Variants in FARP2 observed in about 807,000 individuals in gnomAD.
FARP2 encodes the protein FERM, ARHGEF and pleckstrin domain-containing protein 2.
A neutral mutation model predicts 130.5 loss-of-function variants in FARP2; 111 were observed. The ratio of observed to expected loss-of-function variants is 0.85; its 90% CI spans 0.73 to 1.00. FARP2 has a LOEUF of 1.00. Ranked by LOEUF, FARP2 falls within the 50% of genes least tolerant of loss-of-function variation. FARP2 has a pLI of 0.00. For missense variants in FARP2, 1,385 were observed against 1,346.3 expected (o/e 1.03, Z -0.45); for synonymous variants, 504 against 516.9 (o/e 0.98, Z 0.34).
chr2:241,408,541 C>CA (rs11292791), intron 5 of FARP2, among the ~76,000 whole-genome samples: 17 of 137,586 alleles, frequency 1.2e-4, no homozygotes, highest in South Asian at 2.3e-4. Flanking sequence ...AACTCTGTCT[C>CA]AAAAAAAAAA....
intron 4 of FARP2, 123 bp from the exon 5 acceptor site, chr2:241,407,414 A>T (rs2062389402): frequency 4.1e-6 from 3 of 726,756 alleles, no homozygotes; most frequent in Admixed American, 4.8e-5. Flanking sequence ...ATATCATATT[A>T]TTTGAAAAGA....
At chr2:241,447,530 C>T (rs1386681371) in intron 13 of FARP2, among the ~76,000 whole-genome samples, 1 of 152,194 alleles carries the variant, frequency 6.6e-6, no homozygotes, top group Non-Finnish European at 1.5e-5. Context: ...TTACCGTGCA[C>T]AGAACAGATG....
At chr2:241,383,407 C>T (rs187418674) in intron 2 of FARP2, among the ~76,000 whole-genome samples, 3 of 152,320 alleles carry the variant, frequency 2.0e-5, no homozygotes, top group Admixed American at 2.0e-4. Context: ...GATCTCTGTT[C>T]TTGAGAACAG....
chr2:241,408,056 AG>A (rs2062409025), intron 5 of FARP2, among the ~76,000 whole-genome samples: 1 of 152,208 alleles, frequency 6.6e-6, no homozygotes, highest in African/African-American at 2.4e-5. Flanking sequence ...TTTGAATTAA[AG>A]ATCAATTCTT....
intron 1 of FARP2, among the ~76,000 whole-genome samples, chr2:241,371,000 CTTG>C (rs745906190): frequency 1.3e-5 from 2 of 152,248 alleles, no homozygotes; most frequent in South Asian, 2.1e-4. Context: ...CTTGCACTGC[CTTG>C]TTGTTTTGTT....
At chr2:241,443,777 T>C (rs1479352482) in intron 13 of FARP2, 4 of 152,284 alleles carry the variant, frequency 2.6e-5, no homozygotes, top group Admixed American at 6.5e-5. Flanking sequence ...TTTTTGTTGT[T>C]TTTCTTTTCT....
At chr2:241,418,879 G>T (rs781663969) in intron 8 of FARP2, among the ~76,000 whole-genome samples, 5 of 152,192 alleles carry the variant, frequency 3.3e-5, no homozygotes, top group Non-Finnish European at 7.3e-5. Context: ...TGTCCAACTT[G>T]TCTGGGCCCC....
intron 5 of FARP2, 106 bp from the exon 6 acceptor site, chr2:241,410,927 T>G: frequency 1.3e-6 from 1 of 781,362 alleles, no homozygotes; most frequent in Admixed American, 2.2e-5. Flanking sequence ...GTTGGGTCAC[T>G]GCCACTTCCC....
intron 17 of FARP2, among the ~76,000 whole-genome samples, chr2:241,467,911 T>C (rs887320432): frequency 6.6e-6 from 1 of 152,156 alleles, no homozygotes; most frequent in Non-Finnish European, 1.5e-5. Context: ...CGGTTAGTGG[T>C]GCATGTAGCA....
intron 18 of FARP2, among the ~76,000 whole-genome samples, chr2:241,470,859 A>C (rs2064287454): frequency 6.7e-6 from 1 of 149,774 alleles, no homozygotes; most frequent in Non-Finnish European, 1.5e-5. Context: ...CCCTGTTCTG[A>C]AGAGATGCTG....
chr2:241,487,734 GC>G (rs1397971380), intron 21 of FARP2, among the ~76,000 whole-genome samples: 1 of 132,468 alleles, frequency 7.5e-6, no homozygotes, highest in East Asian at 2.5e-4. Flanking sequence ...TCATAGCTTA[GC>G]CTAGCCTACT....
intron 13 of FARP2, among the ~76,000 whole-genome samples, chr2:241,449,048 T>G (rs4675814): frequency 0.8 from 121,733 of 152,148 alleles, 48,865 homozygotes; most frequent in East Asian, 0.95. Context: ...TTGTGTAAGA[T>G]CCACTCATGA....
intron 8 of FARP2, among the ~76,000 whole-genome samples, chr2:241,422,487 A>G (rs1338608269): frequency 6.6e-6 from 1 of 152,120 alleles, no homozygotes; most frequent in African/African-American, 2.4e-5. Flanking sequence ...CAAAGATCAA[A>G]GTTTGATAAA....
At chr2:241,384,412 C>T (rs1347029767) in intron 2 of FARP2, among the ~76,000 whole-genome samples, 4 of 152,164 alleles carry the variant, frequency 2.6e-5, no homozygotes, top group Non-Finnish European at 5.9e-5. Flanking sequence ...GAAAGATATT[C>T]TTTCCTCCTT....
At chr2:241,410,849 G>A (rs563187688) in intron 5 of FARP2, 184 bp from the exon 6 acceptor site, 2 of 566,320 alleles carry the variant, frequency 3.5e-6, no homozygotes, top group African/African-American at 1.9e-5. Flanking sequence ...TTCACTTGGT[G>A]ACTGTTTGTT....
At chr2:241,396,248 C>T (rs1478533446) in intron 2 of FARP2, among the ~76,000 whole-genome samples, 3 of 152,146 alleles carry the variant, frequency 2.0e-5, no homozygotes, top group Non-Finnish European at 4.4e-5. Context: ...AAAACCTAGG[C>T]ATTACCATTC....
intron 2 of FARP2, among the ~76,000 whole-genome samples, chr2:241,382,387 G>A (rs1474192941): frequency 6.7e-6 from 1 of 149,194 alleles, no homozygotes; most frequent in African/African-American, 2.5e-5. Flanking sequence ...GGGCTCAAGC[G>A]ATCCTCACAC....
intron 2 of FARP2, among the ~76,000 whole-genome samples, chr2:241,378,351 T>C (rs1390754800): frequency 6.7e-6 from 1 of 149,932 alleles, no homozygotes; most frequent in Admixed American, 6.7e-5. Flanking sequence ...CCTTAAGTGA[T>C]CCGCCTCCCC....
At chr2:241,388,600 A>G (rs1217079947) in intron 2 of FARP2, among the ~76,000 whole-genome samples, 1 of 152,244 alleles carries the variant, frequency 6.6e-6, no homozygotes, top group African/African-American at 2.4e-5. Context: ...CTGATAAGGA[A>G]CTTACATCTA....
Sources: gnomAD v4.1 joint callset for allele counts (sites outside exome capture counted in the v4.1 genomes callset) on GRCh38, gnomAD v4.1.1 for gene constraint, MANE v1.5 for transcripts, NCBI Gene and HGNC (gene_info 2026-07-23, HGNC 2026-07-21) for gene names.